TTC7B: variants seen among roughly 807,000 people sequenced by gnomAD.
TTC7B encodes tetratricopeptide repeat protein 7B.
Under a neutral mutation model 106.8 loss-of-function variants are expected in TTC7B, and 28 were observed. The observed-to-expected ratio is 0.26, with a 90% CI of 0.19 to 0.36. The LOEUF (loss-of-function observed/expected upper bound fraction) is 0.36, where lower values mean the gene tolerates loss of function less well. Ranked by LOEUF, TTC7B falls within the 10% of genes least tolerant of loss-of-function variation. The pLI is 1.00. For synonymous variants in TTC7B, 405 were observed against 430.6 expected, an observed-to-expected ratio of 0.94 and a Z score of 0.74; for missense variants, 862 against 1,076.4, an observed-to-expected ratio of 0.80 and a Z score of 2.79.
intron 5 of TTC7B, among the ~76,000 whole-genome samples, chr14:90,717,065 C>T (rs556223232): frequency 1.3e-5 from 2 of 152,290 alleles, no homozygotes; most frequent in Non-Finnish European, 2.9e-5. Context: ...TCCAGCCAGG[C>T]GTGGTGACTC....
chr14:90,745,452 G>T (rs549793952), intron 3 of TTC7B, among the ~76,000 whole-genome samples: 1 of 152,240 alleles, frequency 6.6e-6, no homozygotes, highest in East Asian at 1.9e-4. Context: ...GTTGAAGAAG[G>T]TGCCTTCTAC....
At chr14:90,565,111 C>T (rs1440407331) in intron 19 of TTC7B, among the ~76,000 whole-genome samples, 1 of 152,172 alleles carries the variant, frequency 6.6e-6, no homozygotes, top group African/African-American at 2.4e-5. Context: ...CCTCTCTCAG[C>T]CTTCAGAGAA....
chr14:90,772,144 A>G (rs1351392127), intron 3 of TTC7B, among the ~76,000 whole-genome samples: 1 of 151,886 alleles, frequency 6.6e-6, no homozygotes, highest in African/African-American at 2.4e-5. Context: ...CTGGTTCCTC[A>G]CACTACAGGA....
rs562596964 is a variant in TTC7B at position 90,579,117 on chromosome 14, C to T, written c.2108-809G>A. Among the ~76,000 whole-genome samples the T allele has an allele frequency of 1.7e-4, 26 of 152,308 alleles. No individual in the cohort carries two copies. In the South Asian group the frequency reaches 4.1e-3, roughly 24 times the overall value. ...ACACTTGTCGAATATCCAGGGGGAA[C>T]GTGTCAACTGGCCCCGAGGGCCTCT... On this transcript the variant is annotated intron_variant, in intron 18 of 19. Transcript: ENST00000328459.
Position 90,540,913 on chromosome 14 carries a change from T to C in TTC7B, c.*455A>G, listed in dbSNP as rs1889551291. 6.3e-6 allele frequency: 1 copy of C among 159,476 alleles called. No homozygotes were observed. 9.9% of individuals were successfully genotyped at this position (159,476 alleles called of 1,614,324 possible). ...GTCCTGGCATGGACTAGTGCTGAGG[T>C]GGGAGACAGGAAGTTCACATTTGGT... is the stretch of plus-strand genomic sequence containing the variant. On this transcript the variant is annotated 3_prime_UTR_variant, in exon 20 of 20. Transcript: ENST00000328459.
At chr14:90,673,142 G>C (rs1886695728) in intron 9 of TTC7B, among the ~76,000 whole-genome samples, 1 of 152,182 alleles carries the variant, frequency 6.6e-6, no homozygotes, top group Non-Finnish European at 1.5e-5. Flanking sequence ...CAGTGGAGGA[G>C]AGAAGAGAGA....
At chr14:90,592,380 T>C (rs1409550309) in intron 18 of TTC7B, among the ~76,000 whole-genome samples, 2 of 152,216 alleles carry the variant, frequency 1.3e-5, no homozygotes, top group Non-Finnish European at 2.9e-5. Context: ...CCATTATTTC[T>C]TGGAAGCGCA....
At chr14:90,601,771 A>G (rs555411495) in intron 17 of TTC7B, among the ~76,000 whole-genome samples, 14 of 152,322 alleles carry the variant, frequency 9.2e-5, no homozygotes, top group South Asian at 8.3e-4. Flanking sequence ...GGTGTAACTC[A>G]GGGGGAAGGC....
intron 1 of TTC7B, among the ~76,000 whole-genome samples, chr14:90,790,384 T>G (rs1182365354): frequency 2.0e-5 from 3 of 152,110 alleles, no homozygotes; most frequent in African/African-American, 7.2e-5. Context: ...AGACTATCCA[T>G]CTATGTAGAA....
intron 19 of TTC7B, 55 bp from the exon 20 acceptor site, chr14:90,541,644 T>G: frequency 5.1e-6 from 7 of 1,381,624 alleles, no homozygotes; most frequent in Non-Finnish European, 5.8e-6. Context: ...TCAGGAGCTC[T>G]GCATCCTACT....
At chr14:90,587,720 A>G (rs541514746) in intron 18 of TTC7B, among the ~76,000 whole-genome samples, 1 of 152,256 alleles carries the variant, frequency 6.6e-6, no homozygotes, top group South Asian at 2.1e-4. Flanking sequence ...CTTCATAACC[A>G]TAGGACTCCA....
At chr14:90,653,172 G>A (rs960899642) in intron 12 of TTC7B, among the ~76,000 whole-genome samples, 1 of 152,322 alleles carries the variant, frequency 6.6e-6, no homozygotes, top group South Asian at 2.1e-4. Context: ...GCATATGGGG[G>A]CCATTTGCAA....
chr14:90,670,782 C>A (rs181528920), intron 9 of TTC7B, among the ~76,000 whole-genome samples: 1 of 152,112 alleles, frequency 6.6e-6, no homozygotes, highest in East Asian at 1.9e-4. Context: ...CCTATTGAGC[C>A]GACTCACAAA....
At chr14:90,668,771 C>T (rs903115515) in intron 9 of TTC7B, among the ~76,000 whole-genome samples, 7 of 149,294 alleles carry the variant, frequency 4.7e-5, no homozygotes, top group South Asian at 4.2e-4. Flanking sequence ...ATTGTTGAGA[C>T]GGCAATGTCA....
chr14:90,789,903 A>AT (rs1891524069), intron 1 of TTC7B, among the ~76,000 whole-genome samples: 2 of 142,056 alleles, frequency 1.4e-5, no homozygotes, highest in Admixed American at 1.4e-4. Flanking sequence ...CTCAAAAAAA[A>AT]AAAAAAAAAA....
chr14:90,676,435 C>T (rs1077697), intron 9 of TTC7B, 88 bp downstream of exon 9: 449,825 of 1,495,140 alleles, frequency 0.3, 70,068 homozygotes, highest in East Asian at 0.44. Flanking sequence ...TAGAGGGGGG[C>T]CCAGGACCAG....
intron 18 of TTC7B, among the ~76,000 whole-genome samples, chr14:90,587,013 C>T (rs558988184): frequency 1.3e-5 from 2 of 152,252 alleles, no homozygotes; most frequent in African/African-American, 4.8e-5. Flanking sequence ...TCTCAGGGTC[C>T]CCTCCTCTTC....
At chr14:90,699,799 G>A (rs546332701) in intron 5 of TTC7B, among the ~76,000 whole-genome samples, 62 of 152,296 alleles carry the variant, frequency 4.1e-4, no homozygotes, top group African/African-American at 1.5e-3. Context: ...CTCAGCCAAG[G>A]CCAGGTTGGT....
chr14:90,770,609 C>T (rs559366147), intron 3 of TTC7B, among the ~76,000 whole-genome samples: 4 of 151,402 alleles, frequency 2.6e-5, no homozygotes, highest in African/African-American at 9.7e-5. Context: ...GCCGAGATCA[C>T]GCCATTGCAC....
Sources: allele counts gnomAD v4.1 joint callset (sites outside exome capture counted in the v4.1 genomes callset), GRCh38; gene constraint gnomAD v4.1.1; transcripts MANE v1.5; gene names NCBI Gene and HGNC (gene_info 2026-07-23, HGNC 2026-07-21).